CEP63: variants seen among roughly 807,000 people sequenced by gnomAD.
CEP63 encodes centrosomal protein of 63 kDa.
Under a neutral mutation model 89.1 loss-of-function variants are expected in CEP63, and 84 were observed. The observed-to-expected ratio is 0.94, with a 90% CI of 0.79 to 1.13. The LOEUF (loss-of-function observed/expected upper bound fraction) is 1.13, where lower values mean the gene tolerates loss of function less well. CEP63 is among the 50% of genes most tolerant of loss of function. The pLI, the probability that CEP63 is intolerant of heterozygous loss-of-function variation, is 0.00. For synonymous variants in CEP63, 267 were observed against 272.5 expected, an observed-to-expected ratio of 0.98 and a Z score of 0.20; for missense variants, 838 against 813.3, an observed-to-expected ratio of 1.03 and a Z score of -0.37.
chr3:134,747,061 A>G, the CEP63 span, among the ~76,000 whole-genome samples: 1 of 151,572 alleles, frequency 6.6e-6, no homozygotes, highest in Non-Finnish European at 1.5e-5. Context: ...TTTAGGTCTA[A>G]CATTTAAGTC....
At chr3:134,608,906 C>G in the CEP63 span, 1 of 1,528,846 alleles carries the variant, frequency 6.5e-7, no homozygotes, top group Non-Finnish European at 8.8e-7. Context: ...AATACACCCA[C>G]CGGAGTGGTC....
chr3:134,691,912 A>G, the CEP63 span, among the ~76,000 whole-genome samples: 1 of 151,974 alleles, frequency 6.6e-6, no homozygotes, highest in Non-Finnish European at 1.5e-5. Context: ...AGGTTTCACC[A>G]TGTTGGTCAT....
At chr3:134,736,353 C>T in the CEP63 span, among the ~76,000 whole-genome samples, 1 of 151,854 alleles carries the variant, frequency 6.6e-6, no homozygotes, top group Non-Finnish European at 1.5e-5. Flanking sequence ...CTGTGGCTCA[C>T]ACAGGAAGAC....
the CEP63 span, among the ~76,000 whole-genome samples, chr3:134,756,781 C>G: frequency 3.3e-5 from 5 of 152,142 alleles, no homozygotes; most frequent in African/African-American, 1.2e-4. Context: ...CCTGCCCTGA[C>G]AGGCTGAAGG....
the CEP63 span, among the ~76,000 whole-genome samples, chr3:134,673,171 T>G: frequency 2.0e-5 from 3 of 152,150 alleles, no homozygotes; most frequent in African/African-American, 7.2e-5. Flanking sequence ...CTGTAATCAT[T>G]AAGGAGATAC....
chr3:134,681,832 G>A, the CEP63 span, among the ~76,000 whole-genome samples: 1 of 152,212 alleles, frequency 6.6e-6, no homozygotes, highest in East Asian at 1.9e-4. Flanking sequence ...TATGATGTGA[G>A]TATCACTGCC....
At chr3:134,550,336 T>C (rs1279548880) in intron 11 of CEP63, 76 bp downstream of exon 11, 2 of 1,356,236 alleles carry the variant, frequency 1.5e-6, no homozygotes, top group Non-Finnish European at 2.1e-6. Context: ...ATAATTTTCA[T>C]AATATTTAAT....
At chr3:134,735,698 T>G in the CEP63 span, among the ~76,000 whole-genome samples, 1 of 152,128 alleles carries the variant, frequency 6.6e-6, no homozygotes, top group African/African-American at 2.4e-5. Context: ...ACAAATGCAT[T>G]TTAGCAAGTA....
chr3:134,565,939 G>A (rs1213572395), downstream of CEP63, among the ~76,000 whole-genome samples: 1 of 152,114 alleles, frequency 6.6e-6, no homozygotes, highest in Admixed American at 6.5e-5. Context: ...TTCACTGTGG[G>A]TTGATGGCAT....
chr3:134,673,457 C>T, the CEP63 span, among the ~76,000 whole-genome samples: 1 of 152,146 alleles, frequency 6.6e-6, no homozygotes, highest in African/African-American at 2.4e-5. Flanking sequence ...ATCAAAATGG[C>T]TCTCTCACTA....
chr3:134,589,440 G>T (rs1243896915), downstream of CEP63, among the ~76,000 whole-genome samples: 2 of 152,130 alleles, frequency 1.3e-5, no homozygotes, highest in Non-Finnish European at 2.9e-5. Context: ...TTCTCCCTGA[G>T]ATTGGGAACA....
the CEP63 span, among the ~76,000 whole-genome samples, chr3:134,685,300 C>A: frequency 1.3e-5 from 2 of 152,128 alleles, no homozygotes; most frequent in Non-Finnish European, 2.9e-5. Flanking sequence ...ACCACCTAGA[C>A]CCCTTGCAGA....
chr3:134,498,201 A>G (rs573907077), intron 2 of CEP63, among the ~76,000 whole-genome samples: 1 of 152,186 alleles, frequency 6.6e-6, no homozygotes, highest in East Asian at 1.9e-4. Context: ...CATGGGCATG[A>G]ATGTCTTTTC....
At chr3:134,495,858 TAAC>T (rs1423952954) in intron 2 of CEP63, among the ~76,000 whole-genome samples, 1 of 152,208 alleles carries the variant, frequency 6.6e-6, no homozygotes, top group African/African-American at 2.4e-5. Context: ...TTATTTCACT[TAAC>T]GACCACCAGT....
At chr3:134,772,506 C>CCCTCCCCTCTTCT in the CEP63 span, among the ~76,000 whole-genome samples, 1 of 151,892 alleles carries the variant, frequency 6.6e-6, no homozygotes, top group African/African-American at 2.4e-5. Flanking sequence ...TCCCCTCTTC[C>CCCTCCCCTCTTCT]CCTCCCCTCT....
the CEP63 span, among the ~76,000 whole-genome samples, chr3:134,692,330 A>G: frequency 2.7e-5 from 4 of 149,412 alleles, no homozygotes; most frequent in East Asian, 2.0e-4. Flanking sequence ...TCATTGTTCA[A>G]TTCCCACCTA....
At chr3:134,671,296 A>G in the CEP63 span, among the ~76,000 whole-genome samples, 1 of 152,174 alleles carries the variant, frequency 6.6e-6, no homozygotes, top group Admixed American at 6.5e-5. Flanking sequence ...GCACACATGG[A>G]CATAAAGAGG....
the CEP63 span, among the ~76,000 whole-genome samples, chr3:134,663,661 C>A: frequency 1.3e-4 from 20 of 152,196 alleles, no homozygotes; most frequent in African/African-American, 4.6e-4. Context: ...GTTCTCAAGT[C>A]CTGGTGCTGG....
At chr3:134,611,222 C>T in the CEP63 span, among the ~76,000 whole-genome samples, 2 of 152,228 alleles carry the variant, frequency 1.3e-5, no homozygotes, top group African/African-American at 2.4e-5. Context: ...CTTCACTGCT[C>T]ATAGTAGAGC....
Sources: allele counts gnomAD v4.1 joint callset (sites outside exome capture counted in the v4.1 genomes callset), GRCh38; gene constraint gnomAD v4.1.1; transcripts MANE v1.5; gene names NCBI Gene and HGNC (gene_info 2026-07-23, HGNC 2026-07-21).